Variants in ANO10 observed in about 807,000 individuals in gnomAD.
ANO10 encodes the protein anoctamin-10.
In ANO10, 77 loss-of-function variants were observed where a neutral mutation model predicts 74.7. The observed-to-expected ratio is 1.03, with a 90% CI of 0.86 to 1.25. ANO10 has a LOEUF of 1.25. Ranked by LOEUF, ANO10 falls within the 50% of genes most tolerant of loss-of-function variation. The pLI, the probability that ANO10 is intolerant of heterozygous loss-of-function variation, is 0.00. For missense variants in ANO10, 721 were observed against 778.1 expected (o/e 0.93, Z 0.87); for synonymous variants, 279 against 284.9 (o/e 0.98, Z 0.21).
At chr3:43,469,390 G>A (rs2149050061) in intron 11 of ANO10, among the ~76,000 whole-genome samples, 1 of 152,186 alleles carries the variant, frequency 6.6e-6, no homozygotes, top group South Asian at 2.1e-4. Flanking sequence ...AATTCCTTCA[G>A]GTTTATATTG....
intron 12 of ANO10, among the ~76,000 whole-genome samples, chr3:43,430,159 T>C (rs572331826): frequency 1.3e-5 from 2 of 152,264 alleles, no homozygotes; most frequent in South Asian, 4.1e-4. Context: ...TACTGGACTG[T>C]CATTTTTTAT....
At chr3:43,679,511 G>A (rs1017574605) in intron 1 of ANO10, among the ~76,000 whole-genome samples, 1 of 152,174 alleles carries the variant, frequency 6.6e-6, no homozygotes, top group African/African-American at 2.4e-5. Flanking sequence ...TCCACCTCTG[G>A]GGGCAGGGCA....
At chr3:43,668,194 G>A (rs2084014930) in intron 1 of ANO10, among the ~76,000 whole-genome samples, 1 of 151,890 alleles carries the variant, frequency 6.6e-6, no homozygotes, top group African/African-American at 2.4e-5. Flanking sequence ...GTGATGTTGA[G>A]CATTTTTTAA....
intron 1 of ANO10, among the ~76,000 whole-genome samples, chr3:43,619,450 G>A (rs146929091): frequency 1.6e-4 from 24 of 152,280 alleles, no homozygotes; most frequent in African/African-American, 5.8e-4. Flanking sequence ...CATCTAAGAT[G>A]TTCACATCTG....
intron 6 of ANO10, among the ~76,000 whole-genome samples, 155 bp downstream of exon 6, chr3:43,576,530 ATCATCAG>A (rs1229042062): frequency 6.6e-6 from 1 of 152,220 alleles, no homozygotes. Flanking sequence ...TGGCATGGAG[ATCATCAG>A]TGTTCACAAA....
upstream of ANO10, among the ~76,000 whole-genome samples, chr3:43,625,966 C>T (rs573519972): frequency 6.6e-6 from 1 of 151,552 alleles, no homozygotes; most frequent in South Asian, 2.1e-4. Context: ...ACGGGTCTAG[C>T]TCTGTTCCCC....
rs544287289 is a variant in ANO10 at position 43,635,385 on chromosome 3, A to G, written c.-11-29522T>C. Among the ~76,000 whole-genome samples the G allele has an allele frequency of 1.1e-4, 16 of 152,308 alleles. 1 individual carries two copies. The South Asian group carries it at 3.3e-3, about 32-fold the overall frequency. ...GTCCTCGTTCATGTATCCTAGACTT[A>G]AACAAAAATCCCTCCATCTGGCCAT... On this transcript the variant is annotated intron_variant, in intron 1 of 3. Coordinates refer to the ANO10 transcript ENST00000413397.
At chr3:43,406,593 C>T (rs563040757) in intron 12 of ANO10, among the ~76,000 whole-genome samples, 33 of 152,278 alleles carry the variant, frequency 2.2e-4, no homozygotes, top group Non-Finnish European at 4.7e-4. Flanking sequence ...GCTTACATGA[C>T]GAATCACATG....
At chr3:43,403,230 C>A (rs1232793549) in intron 12 of ANO10, among the ~76,000 whole-genome samples, 1 of 152,262 alleles carries the variant, frequency 6.6e-6, no homozygotes, top group Non-Finnish European at 1.5e-5. Flanking sequence ...CTGCAGCAAA[C>A]TCACAGAGGT....
chr3:43,507,897 G>C (rs2077356872), intron 11 of ANO10, among the ~76,000 whole-genome samples: 1 of 152,034 alleles, frequency 6.6e-6, no homozygotes, highest in Admixed American at 6.5e-5. Flanking sequence ...ACAAATACTT[G>C]CAAAAAATGT....
intron 10 of ANO10, among the ~76,000 whole-genome samples, chr3:43,550,756 A>C (rs1265653830): frequency 6.6e-6 from 1 of 152,130 alleles, no homozygotes; most frequent in Non-Finnish European, 1.5e-5. Context: ...CTATTTATTT[A>C]CTTTTGATTA....
At chr3:43,683,239 G>T (rs538826385) in intron 1 of ANO10, among the ~76,000 whole-genome samples, 1 of 152,114 alleles carries the variant, frequency 6.6e-6, no homozygotes, top group Non-Finnish European at 1.5e-5. Flanking sequence ...AAGGTCTCAA[G>T]ATATAAAATC....
chr3:43,384,538 G>A lies in ANO10; in HGVS notation c.1915-17564C>T, dbSNP rs1438178294. The stretch of plus-strand genomic sequence containing the variant: ...CCCGACTTCAAACTATAAGGCCATC[G>A]TCACCAAAACAGCATGGTACTGGCA... On this transcript the variant is annotated intron_variant, in intron 12 of 12. Coordinates refer to ENST00000292246, the MANE Select transcript of ANO10 (RefSeq NM_018075.5). 3.3e-5 allele frequency among the ~76,000 whole-genome samples: 5 copies of A among 152,094 alleles called. No homozygotes were observed. The East Asian group carries it at 5.8e-4, about 18-fold the overall frequency.
At chr3:43,515,360 C>T (rs1334151744) in intron 11 of ANO10, among the ~76,000 whole-genome samples, 1 of 152,194 alleles carries the variant, frequency 6.6e-6, no homozygotes, top group Non-Finnish European at 1.5e-5. Context: ...AGAATTCTCT[C>T]TACCTGTCTT....
intron 12 of ANO10, among the ~76,000 whole-genome samples, chr3:43,375,583 C>T (rs976435058): frequency 6.6e-6 from 1 of 152,068 alleles, no homozygotes; most frequent in Non-Finnish European, 1.5e-5. Flanking sequence ...ATCACAAACG[C>T]TAGAGCAGCT....
At chr3:43,379,306 G>A (rs1422117526) in intron 12 of ANO10, among the ~76,000 whole-genome samples, 3 of 152,194 alleles carry the variant, frequency 2.0e-5, no homozygotes, top group African/African-American at 7.2e-5. Flanking sequence ...TAAAGCATAT[G>A]TTTTTTATTA....
At chr3:43,561,104 A>T in intron 9 of ANO10, 116 bp downstream of exon 9, 1 of 1,228,666 alleles carries the variant, frequency 8.1e-7, no homozygotes, top group South Asian at 1.2e-5. Context: ...AACTGACTGG[A>T]AAGCACTTCT....
chr3:43,623,484 C>T (rs186592579), upstream of ANO10, among the ~76,000 whole-genome samples: 5 of 152,200 alleles, frequency 3.3e-5, no homozygotes, highest in East Asian at 9.6e-4. Context: ...GATTACCAGC[C>T]CCAATGTTTA....
intron 12 of ANO10, among the ~76,000 whole-genome samples, chr3:43,418,995 G>A (rs2092782298): frequency 1.3e-5 from 2 of 152,242 alleles, no homozygotes; most frequent in South Asian, 2.1e-4. Flanking sequence ...CGTGCCTAAA[G>A]TATTTATTAT....
Sources: gnomAD v4.1 joint callset for allele counts (sites outside exome capture counted in the v4.1 genomes callset) on GRCh38, gnomAD v4.1.1 for gene constraint, MANE v1.5 for transcripts, NCBI Gene and HGNC (gene_info 2026-07-23, HGNC 2026-07-21) for gene names.